The following CFAP20DC variants were observed in gnomAD, a reference collection of about 807,000 sequenced individuals.
CFAP20DC encodes protein CFAP20DC.
In CFAP20DC, 84 loss-of-function variants were observed where a neutral mutation model predicts 101.7. The ratio of observed to expected loss-of-function variants is 0.83; its 90% CI spans 0.69 to 0.99. The LOEUF is 0.99. Among genes scored for constraint, CFAP20DC ranks in the 50% least tolerant of loss-of-function variants. The probability of loss-of-function intolerance (pLI) is 0.00; values close to 1 mark genes in which losing one functional copy is unlikely to be tolerated. For missense variants in CFAP20DC, 1,007 were observed against 970.3 expected (o/e 1.04, Z -0.50); for synonymous variants, 359 against 351.2 (o/e 1.02, Z -0.25).
chr3:58,818,934 A>C (rs1323684000), intron 14 of CFAP20DC, among the ~76,000 whole-genome samples: 2 of 148,244 alleles, frequency 1.3e-5, no homozygotes, highest in African/African-American at 5.0e-5. Context: ...AAATTATAAC[A>C]AACTATCTCT....
Position 58,877,235 on chromosome 3 carries a change from TCTAGTACTGTGTA to T in CFAP20DC, c.716-6939_716-6927del, listed in dbSNP as rs2080826559. Among the ~76,000 whole-genome samples, 12 of 152,318 alleles carry T rather than the reference TCTAGTACTGTGTA, an allele frequency of 7.9e-5. 1 individual carries two copies. The South Asian group carries it at 2.5e-3, about 32-fold the overall frequency. ...AGGCATTTAGTCGGGCATGTATTGC[TCTAGTACTGTGTA>T]AGACAGGGAGTAAGGTGGACACAGC... On this transcript the variant is annotated intron_variant, in intron 7 of 16. Transcript: ENST00000482387.
intron 4 of CFAP20DC, among the ~76,000 whole-genome samples, chr3:59,008,196 C>T (rs192169673): frequency 6.6e-6 from 1 of 152,174 alleles, no homozygotes; most frequent in African/African-American, 2.4e-5. Context: ...GGAACATCAA[C>T]ATTCCTACAG....
intron 4 of CFAP20DC, among the ~76,000 whole-genome samples, chr3:58,982,667 T>C (rs566144091): frequency 2.4e-5 from 3 of 123,792 alleles, no homozygotes; most frequent in South Asian, 5.1e-4. Context: ...TGAGAACACA[T>C]GGACACAGGA....
intron 12 of CFAP20DC, among the ~76,000 whole-genome samples, chr3:58,852,708 A>C: frequency 6.6e-6 from 1 of 151,090 alleles, no homozygotes. Flanking sequence ...CTACATGGAA[A>C]CTGAACAACC....
intron 4 of CFAP20DC, among the ~76,000 whole-genome samples, chr3:58,939,336 G>T (rs546697471): frequency 4.1e-4 from 62 of 151,948 alleles, no homozygotes; most frequent in African/African-American, 1.5e-3. Flanking sequence ...AAGACTACTG[G>T]GATTCTAGAA....
intron 4 of CFAP20DC, among the ~76,000 whole-genome samples, chr3:58,973,129 C>T (rs967850355): frequency 9.2e-5 from 14 of 152,062 alleles, no homozygotes; most frequent in Non-Finnish European, 1.9e-4. Context: ...CATTCTCACC[C>T]GAGTTTTAAA....
At chr3:59,034,917 A>T (rs2094068591) in intron 4 of CFAP20DC, among the ~76,000 whole-genome samples, 1 of 152,222 alleles carries the variant, frequency 6.6e-6, no homozygotes, top group South Asian at 2.1e-4. Flanking sequence ...CATTGCACTT[A>T]TTCTAATATC....
intron 12 of CFAP20DC, among the ~76,000 whole-genome samples, chr3:58,850,414 C>T (rs2078116333): frequency 6.6e-6 from 1 of 151,972 alleles, no homozygotes; most frequent in Admixed American, 6.6e-5. Flanking sequence ...TGGAGAAACC[C>T]TGTCTCTACT....
At chr3:58,983,423 G>T (rs2092648351) in intron 4 of CFAP20DC, among the ~76,000 whole-genome samples, 1 of 151,992 alleles carries the variant, frequency 6.6e-6, no homozygotes, top group African/African-American at 2.4e-5. Context: ...AACAAAACAT[G>T]TTTTTTTAAA....
At chr3:58,975,236 A>G (rs1399023740) in intron 4 of CFAP20DC, among the ~76,000 whole-genome samples, 1 of 151,992 alleles carries the variant, frequency 6.6e-6, no homozygotes, top group African/African-American at 2.4e-5. Flanking sequence ...ACCTTATCTA[A>G]GTAGGTATCT....
chr3:58,959,521 T>G (rs564664919), intron 4 of CFAP20DC, among the ~76,000 whole-genome samples: 2 of 152,350 alleles, frequency 1.3e-5, no homozygotes, highest in South Asian at 4.1e-4. Context: ...GAAAAAAACC[T>G]AGTCTTCTGC....
At chr3:58,747,360 A>G (rs765090656) in intron 16 of CFAP20DC, among the ~76,000 whole-genome samples, 4 of 152,164 alleles carry the variant, frequency 2.6e-5, no homozygotes, top group Non-Finnish European at 5.9e-5. Flanking sequence ...TAATCCCTCC[A>G]GTTCACCTTC....
In CFAP20DC at chr3:59,002,074, G is replaced by A. The variant is rs2093327779; in HGVS notation, c.278+37483C>T. On this transcript the variant is annotated intron_variant, in intron 4 of 16. Transcript: ENST00000482387. This position sits in a 1 kb window ranked among gnomAD's most constrained non-coding sequence, Gnocchi z 4.5. ...TTTACCTAGGAGGCAATATCATGAAGTTAAAAGTCCATGGATTGTCAGAGC... is the reference window on the plus strand; with the variant it reads ...TTTACCTAGGAGGCAATATCATGAAATTAAAAGTCCATGGATTGTCAGAGC... 6.6e-6 allele frequency among the ~76,000 whole-genome samples: 1 copy of A among 152,204 alleles called. No homozygotes were observed. The highest frequency in any genetic ancestry group is 1.5e-5 in the Non-Finnish European group (1 of 68,036).
intron 3 of CFAP20DC, among the ~76,000 whole-genome samples, chr3:59,043,826 T>C (rs552493317): frequency 6.6e-6 from 1 of 152,160 alleles, no homozygotes; most frequent in Non-Finnish European, 1.5e-5. Flanking sequence ...TACTCAAGTC[T>C]CATTATCAAG....
intron 15 of CFAP20DC, among the ~76,000 whole-genome samples, chr3:58,770,217 A>ATC (rs1374621169): frequency 2.6e-5 from 4 of 152,228 alleles, no homozygotes; most frequent in African/African-American, 9.6e-5. Flanking sequence ...GAACAGTAAT[A>ATC]TCCCATCTAC....
chr3:58,719,952 T>G (rs2067447829), intron 3 of CFAP20DC, among the ~76,000 whole-genome samples: 1 of 152,234 alleles, frequency 6.6e-6, no homozygotes, highest in Non-Finnish European at 1.5e-5. Context: ...GGCTGTTATC[T>G]CTTCCTGGAA....
chr3:58,862,190 G>A lies in CFAP20DC; in HGVS notation c.1593+1368C>T, dbSNP rs1037579950. On this transcript the variant is annotated intron_variant, in intron 12 of 16. Coordinates refer to ENST00000482387, the MANE Select transcript of CFAP20DC (RefSeq NM_001394063.1). ...ATGAAATGCCCACTATTAGAGTAAT[G>A]CTTTTGCATTAGTAAGAGAGATTGT... The A allele has an allele frequency of 4.7e-5, 46 of 982,378 alleles. No individual in the cohort carries two copies. In the African/African-American group the frequency reaches 7.3e-4, roughly 16 times the overall value. 60.9% of individuals were successfully genotyped at this position (982,378 alleles called of 1,614,324 possible).
chr3:58,977,055 C>G (rs925764743), intron 4 of CFAP20DC, among the ~76,000 whole-genome samples: 2 of 152,204 alleles, frequency 1.3e-5, no homozygotes, highest in African/African-American at 2.4e-5. Flanking sequence ...TATTTAGAAG[C>G]CTGGTGATAT....
Position 58,866,678 on chromosome 3 carries a change from T to G in CFAP20DC, c.1146A>C (p.Ser382=). 1 of 1,572,686 alleles carries G rather than the reference T, an allele frequency of 6.4e-7. No individual in the cohort carries two copies. Residue 382 remains serine, a synonymous_variant, in exon 11 of 17, where the codon TCA becomes TCC. Coordinates refer to ENST00000482387, the MANE Select transcript of CFAP20DC (RefSeq NM_001394063.1). ...CTTTATCTTCAATCCTATTATTTCC[T>G]GAAGAGCTACCTTTATTGAGATAAA... ...ERTETPSGSS[S]GNNRIEDKAS... is the part of the protein sequence containing the mutation.
Sources: gnomAD v4.1 joint callset for allele counts (sites outside exome capture counted in the v4.1 genomes callset) on GRCh38, gnomAD v4.1.1 for gene constraint, Gnocchi (gnomAD v3.1) non-coding constraint, MANE v1.5 for transcripts, NCBI Gene and HGNC (gene_info 2026-07-23, HGNC 2026-07-21) for gene names.